The following OSBPL3 variants were observed in gnomAD, a reference collection of about 807,000 sequenced individuals.
The protein encoded by OSBPL3 is oxysterol binding protein like 3.
OSBPL3 carries 65 observed loss-of-function variants against 120.1 expected under a neutral mutation model. The observed-to-expected ratio is 0.54, with a 90% CI of 0.44 to 0.67. The LOEUF (loss-of-function observed/expected upper bound fraction) is 0.67. Among genes scored for constraint, OSBPL3 ranks in the 30% least tolerant of loss-of-function variants. OSBPL3 has a pLI of 0.00. For synonymous variants in OSBPL3, 416 were observed against 402.6 expected (o/e 1.03, Z -0.40); for missense variants, 1,004 against 1,082.1 (o/e 0.93, Z 1.01).
chr7:24,902,428 T>G (rs1013333616), intron 1 of OSBPL3, among the ~76,000 whole-genome samples: 1 of 152,138 alleles, frequency 6.6e-6, no homozygotes, highest in African/African-American at 2.4e-5. Flanking sequence ...TTCTGTTCCA[T>G]TCCTGCAACA....
intron 2 of OSBPL3, among the ~76,000 whole-genome samples, chr7:24,876,015 C>A (rs1230502440): frequency 3.3e-5 from 5 of 152,182 alleles, no homozygotes; most frequent in African/African-American, 1.2e-4. Flanking sequence ...TAAGTAAGTC[C>A]TGTTGGTTCC....
chr7:24,863,201 T>C lies in OSBPL3; in HGVS notation c.869A>G (p.Gln290Arg). 1 of 1,611,266 alleles carries C rather than the reference T, an allele frequency of 6.2e-7. No homozygotes were observed. The highest frequency in any genetic ancestry group is 8.5e-7 in the Non-Finnish European group (1 of 1,177,350). ...AIGKDAKGTL[Q>R]VPKPFSGPVR... is the part of the protein sequence containing the mutation. ...TCTGTCAGGGGAAGCAATGGTTACC[T>C]GCAGTGTTCCTTTAGCATCTTTGCC... The change falls in exon 9 of 23, where the codon CAG becomes CGG. Residue 290 changes from glutamine (Q) to arginine (R), a missense_variant and splice_region_variant. Transcript: ENST00000313367. This position sits in a 1 kb window ranked among gnomAD's most constrained non-coding sequence, Gnocchi z 5.8.
intron 6 of OSBPL3, 44 bp from the exon 7 acceptor site, chr7:24,865,509 C>T: frequency 6.3e-7 from 1 of 1,598,868 alleles, no homozygotes; most frequent in Non-Finnish European, 8.5e-7. Context: ...GGAAACAGAG[C>T]CCATTGGGGA....
chr7:24,828,606 G>GAAGAAAAAAAA (rs1554349905), intron 16 of OSBPL3, among the ~76,000 whole-genome samples: 4 of 32,522 alleles, frequency 1.2e-4, no homozygotes, highest in Admixed American at 4.5e-4. Context: ...GACTCTGTCT[G>GAAGAAAAAAAA]AAAAAAAAAA....
intron 1 of OSBPL3, among the ~76,000 whole-genome samples, chr7:24,950,629 G>C (rs1430935940): frequency 6.6e-6 from 1 of 152,242 alleles, no homozygotes; most frequent in East Asian, 1.9e-4. Context: ...GGCTGAGGCA[G>C]GAGAATGGCA....
chr7:24,979,844 C>A (rs1818076580), intron 1 of OSBPL3, 42 bp downstream of exon 1: 1 of 964,914 alleles, frequency 1.0e-6, no homozygotes, highest in South Asian at 4.8e-5. Context: ...GCCAGGCCCC[C>A]CGACACCCAG....
chr7:24,892,737 C>T (rs890091277), intron 1 of OSBPL3, 116 bp from the exon 2 acceptor site: 1 of 602,660 alleles, frequency 1.7e-6, no homozygotes, highest in East Asian at 4.4e-5. Context: ...CGATGTTTAG[C>T]TATAGCAGGC....
At chr7:24,962,807 A>G (rs1248381604) in intron 1 of OSBPL3, among the ~76,000 whole-genome samples, 1 of 152,106 alleles carries the variant, frequency 6.6e-6, no homozygotes, top group Non-Finnish European at 1.5e-5. Context: ...AAGCCAATAA[A>G]TTTTCTTTTA....
intron 10 of OSBPL3, among the ~76,000 whole-genome samples, chr7:24,853,821 G>A (rs989409360): frequency 1.3e-5 from 2 of 152,084 alleles, no homozygotes; most frequent in African/African-American, 4.8e-5. Context: ...TTGGGTAAAG[G>A]GTATACAGAA....
rs894215607 is a variant in OSBPL3, at chr7:24,815,667, A to T, written c.2028-464T>A. On this transcript the variant is annotated intron_variant, in intron 18 of 22. Coordinates refer to ENST00000313367, the MANE Select transcript of OSBPL3 (RefSeq NM_015550.4). The surrounding 1 kb of genome is among the most constrained non-coding windows in gnomAD (Gnocchi z 5.1). The stretch of plus-strand genomic sequence containing the variant: ...TATGGAATTCAATAATTACGAGGAA[A>T]ATGGTATTAATAATAAGACCAGATA... Among the ~76,000 whole-genome samples, 3 of 152,246 alleles carry T rather than the reference A, an allele frequency of 2.0e-5. No homozygotes were observed. Among genetic ancestry groups the T allele is most frequent in the Non-Finnish European group, 4.4e-5 (3 of 68,054 alleles).
chr7:24,951,932 A>C (rs1330239450), intron 1 of OSBPL3, among the ~76,000 whole-genome samples: 3 of 152,216 alleles, frequency 2.0e-5, no homozygotes, highest in African/African-American at 7.2e-5. Flanking sequence ...TCTTTTTTTT[A>C]AAACATAAAA....
chr7:24,979,355 T>C (rs2128555554), intron 1 of OSBPL3, among the ~76,000 whole-genome samples: 1 of 151,292 alleles, frequency 6.6e-6, no homozygotes, highest in East Asian at 2.0e-4. Flanking sequence ...AAGAAAGGAA[T>C]GTGCCCTGGG....
chr7:24,871,744 C>A lies in OSBPL3; in HGVS notation c.265G>T (p.Asp89Tyr), dbSNP rs1265900089. ...AGTGGGCCCACAAAAAGACTTACATCGGTTTGGCTCTTGGCATATTTCAAG... is the reference window on the plus strand; with the variant it reads ...AGTGGGCCCACAAAAAGACTTACATAGGTTTGGCTCTTGGCATATTTCAAG... ...GILKYAKSQT[D>Y]IEREKLHGCI... Residue 89 changes from aspartate (D) to tyrosine (Y), a missense_variant and splice_region_variant, in exon 4 of 23, where the codon GAT becomes TAT. Coordinates refer to ENST00000313367, the MANE Select transcript of OSBPL3 (RefSeq NM_015550.4). This position sits in a 1 kb window ranked among gnomAD's most constrained non-coding sequence, Gnocchi z 4.8. 6.2e-7 allele frequency: 1 copy of A among 1,611,582 alleles called. No individual in the cohort carries two copies. Among genetic ancestry groups the A allele is most frequent in the Non-Finnish European group, 8.5e-7 (1 of 1,177,750 alleles).
chr7:24,945,847 A>G (rs1813664570), intron 1 of OSBPL3, among the ~76,000 whole-genome samples: 2 of 152,230 alleles, frequency 1.3e-5, no homozygotes, highest in African/African-American at 4.8e-5. Flanking sequence ...TGATGCATAA[A>G]CAGTTGATTT....
intron 1 of OSBPL3, among the ~76,000 whole-genome samples, chr7:24,905,942 G>T (rs1286971353): frequency 6.6e-6 from 1 of 151,938 alleles, no homozygotes; most frequent in Non-Finnish European, 1.5e-5. Context: ...TGAGGCAGGA[G>T]AATTGCTTGA....
chr7:24,819,650 T>C lies in OSBPL3; in HGVS notation c.1948+525A>G, dbSNP rs568473772. Among the ~76,000 whole-genome samples, 1 of 152,264 alleles carries C rather than the reference T, an allele frequency of 6.6e-6. No individual in the cohort carries two copies. Among genetic ancestry groups the C allele is most frequent in the African/African-American group, 2.4e-5 (1 of 41,540 alleles). ...ACTGTCCAAAAACCTAGGATGCTTA[T>C]ATGTTCCTTCTACAGTACACTTTTT... On this transcript the variant is annotated intron_variant, in intron 17 of 22. Coordinates refer to ENST00000313367, the MANE Select transcript of OSBPL3 (RefSeq NM_015550.4). This position sits in a 1 kb window ranked among gnomAD's most constrained non-coding sequence, Gnocchi z 4.1.
chr7:24,907,099 A>T (rs923758208), intron 1 of OSBPL3, among the ~76,000 whole-genome samples: 43 of 151,950 alleles, frequency 2.8e-4, no homozygotes, highest in Non-Finnish European at 5.4e-4. Flanking sequence ...CACTGACCTC[A>T]TCACCCCCCA....
At position 24,872,448 on chromosome 7, in the gene OSBPL3, AGTGTGTGT is replaced by A. The variant is rs371127031; in HGVS notation, c.97-387_97-380del. Among the ~76,000 whole-genome samples the A allele has an allele frequency of 1.0e-3, 149 of 144,980 alleles. No homozygotes were observed. The highest frequency in any genetic ancestry group is 3.4e-3 in the Middle Eastern group (1 of 290). ...TCAGTCTGAATTTTAACCGAAAGAG[AGTGTGTGT>A]GTGTGTGTGTGTGTGTGTGTGTGTG... is the stretch of plus-strand genomic sequence containing the variant. On this transcript the variant is annotated intron_variant, in intron 2 of 22. Transcript: ENST00000313367. The surrounding 1 kb of genome is among the most constrained non-coding windows in gnomAD (Gnocchi z 4.1).
At chr7:24,839,365 A>G (rs1342640791) in intron 14 of OSBPL3, among the ~76,000 whole-genome samples, 1 of 152,154 alleles carries the variant, frequency 6.6e-6, no homozygotes, top group South Asian at 2.1e-4. Flanking sequence ...GAAGTCCTAA[A>G]TCAGAGCTGT....
Sources: gnomAD v4.1 joint callset for allele counts (sites outside exome capture counted in the v4.1 genomes callset) on GRCh38, gnomAD v4.1.1 for gene constraint, Gnocchi (gnomAD v3.1) non-coding constraint, MANE v1.5 for transcripts, NCBI Gene and HGNC (gene_info 2026-07-23, HGNC 2026-07-21) for gene names.